Variants in ABCC1 observed in about 807,000 individuals in gnomAD.
ABCC1 encodes the protein multidrug resistance-associated protein 1.
In ABCC1, 83 loss-of-function variants were observed where a neutral mutation model predicts 172.9. The ratio of observed to expected loss-of-function variants is 0.48; its 90% CI spans 0.40 to 0.58. The LOEUF (loss-of-function observed/expected upper bound fraction) is 0.58. Ranked by LOEUF, ABCC1 falls within the 20% of genes least tolerant of loss-of-function variation. ABCC1 has a pLI of 0.00. For synonymous variants in ABCC1, 937 were observed against 825.2 expected, an observed-to-expected ratio of 1.14 and a Z score of -2.32; for missense variants, 1,817 against 2,002.7, an observed-to-expected ratio of 0.91 and a Z score of 1.77.
At chr16:16,011,374 G>T (rs549474403) in intron 3 of ABCC1, among the ~76,000 whole-genome samples, 10 of 152,274 alleles carry the variant, frequency 6.6e-5, no homozygotes, top group African/African-American at 2.4e-4. Flanking sequence ...GAAGGAACAC[G>T]GTGTGAAGGT....
rs1173456197 is a variant in ABCC1 at position 16,045,819 on chromosome 16, T to C, written c.1041-17T>C. ...GTGTCACAAGTCATTCCAGGCCCTC[T>C]CTTTGCTCCTTTGCAGGTTGCTCAT... is the stretch of plus-strand genomic sequence containing the variant. On this transcript the variant is annotated splice_polypyrimidine_tract_variant and intron_variant, in intron 8 of 30. Transcript: ENST00000399410. The C allele has an allele frequency of 6.2e-7, 1 of 1,613,130 alleles. No homozygotes were observed. Among genetic ancestry groups the C allele is most frequent in the Admixed American group, 1.7e-5 (1 of 59,974 alleles).
intron 21 of ABCC1, among the ~76,000 whole-genome samples, chr16:16,107,976 G>A (rs761751137): frequency 3.3e-5 from 5 of 151,714 alleles, no homozygotes; most frequent in East Asian, 1.9e-4. Flanking sequence ...CAGAGCTTCC[G>A]AGGACTGTCT....
Position 16,086,980 on chromosome 16 carries a change from C to T in ABCC1, c.2449C>T (p.Leu817=). ...AAATGTGATTGGCCCCAAGGGGATGCTGAAGAACAAGGTGCCTGCTGGCGG... is the reference window on the plus strand; with the variant it reads ...AAATGTGATTGGCCCCAAGGGGATGTTGAAGAACAAGGTGCCTGCTGGCGG... ...FENVIGPKGM[L]KNKTRILVTH... The change falls in exon 18 of 31, where the codon CTG becomes TTG. Residue 817 remains leucine, a synonymous_variant. Coordinates refer to ENST00000399410, the MANE Select transcript of ABCC1 (RefSeq NM_004996.4). 6.2e-7 allele frequency: 1 copy of T among 1,614,186 alleles called. No homozygotes were observed. Among genetic ancestry groups the T allele is most frequent in the Middle Eastern group, 1.7e-4 (1 of 6,052 alleles).
chr16:16,094,120 A>G, intron 19 of ABCC1: 1 of 176,504 alleles, frequency 5.7e-6, no homozygotes, highest in Non-Finnish European at 1.2e-5. Flanking sequence ...GTTTAGGAAC[A>G]GTTTGTTCCC....
At chr16:16,067,943 C>T (rs1006279303) in intron 12 of ABCC1, among the ~76,000 whole-genome samples, 1 of 152,162 alleles carries the variant, frequency 6.6e-6, no homozygotes, top group African/African-American at 2.4e-5. Context: ...CTTTGGGCTC[C>T]CGGTCGTTGA....
At chr16:16,013,270 G>GTTTTTTTTTTTTTT (rs35420214) in intron 3 of ABCC1, among the ~76,000 whole-genome samples, 2 of 145,798 alleles carry the variant, frequency 1.4e-5, no homozygotes, top group Non-Finnish European at 1.5e-5. Context: ...GCCAGCACAT[G>GTTTTTTTTTTTTTT]TTTTTTTTTT....
intron 1 of ABCC1, among the ~76,000 whole-genome samples, chr16:15,990,150 G>C (rs1384725434): frequency 1.3e-5 from 2 of 152,118 alleles, no homozygotes; most frequent in African/African-American, 4.8e-5. Context: ...TGTCTTTCAG[G>C]TTCAAGTGAT....
At chr16:16,053,857 C>A (rs1422449247) in intron 11 of ABCC1, among the ~76,000 whole-genome samples, 3 of 150,198 alleles carry the variant, frequency 2.0e-5, no homozygotes, top group African/African-American at 7.3e-5. Context: ...GGGGATACCC[C>A]CTTCCCTACT....
chr16:15,999,101 T>C lies in ABCC1; in HGVS notation c.49-8715T>C, dbSNP rs572230295. Among the ~76,000 whole-genome samples the C allele has an allele frequency of 1.7e-3, 256 of 152,186 alleles. 2 individuals carry two copies. Among genetic ancestry groups the C allele is most frequent in the Non-Finnish European group, 3.1e-3 (213 of 67,990 alleles). On this transcript the variant is annotated intron_variant, in intron 1 of 30. Transcript: ENST00000399410. ...CTGCAAGCTCTGCCTTCTGGGTTCA[T>C]GCCATTCTCCTGCCTCAACCTCCTG...
intron 9 of ABCC1, 63 bp from the exon 10 acceptor site, chr16:16,048,079 G>A: frequency 6.3e-7 from 1 of 1,578,706 alleles, no homozygotes; most frequent in Non-Finnish European, 8.7e-7. Flanking sequence ...CGTGGGTCTG[G>A]AGGGAGAGTC....
At chr16:15,955,055 G>A (rs936666870) in intron 1 of ABCC1, among the ~76,000 whole-genome samples, 10 of 152,138 alleles carry the variant, frequency 6.6e-5, no homozygotes, top group Non-Finnish European at 1.3e-4. Context: ...CCAGTTTCTG[G>A]ATTTGAACAG....
At chr16:16,019,805 C>T (rs2048132979) in intron 5 of ABCC1, among the ~76,000 whole-genome samples, 1 of 152,124 alleles carries the variant, frequency 6.6e-6, no homozygotes. Flanking sequence ...GGCTAAAAGG[C>T]TACACTGTTG....
intron 16 of ABCC1, among the ~76,000 whole-genome samples, chr16:16,082,229 A>G (rs2050832637): frequency 6.6e-6 from 1 of 152,090 alleles, no homozygotes; most frequent in Non-Finnish European, 1.5e-5. Flanking sequence ...TCGGACTTGA[A>G]TGCTCTTCCC....
intron 19 of ABCC1, among the ~76,000 whole-genome samples, chr16:16,097,463 C>G (rs1303359061): frequency 6.6e-6 from 1 of 152,166 alleles, no homozygotes; most frequent in Non-Finnish European, 1.5e-5. Context: ...AAGAAAAGAG[C>G]CTGACACATA....
At chr16:16,137,950 A>C (rs1044881518) in intron 29 of ABCC1, among the ~76,000 whole-genome samples, 1 of 151,502 alleles carries the variant, frequency 6.6e-6, no homozygotes, top group Non-Finnish European at 1.5e-5. Flanking sequence ...TAACTCCTGG[A>C]CTCAAGCAAT....
Position 16,131,926 on chromosome 16 carries a change from G to A in ABCC1, c.3957G>A (p.Gly1319=). Residue 1319 remains glycine, a synonymous_variant, in exon 27 of 31, where the codon GGG becomes GGA. Coordinates refer to ENST00000399410, the MANE Select transcript of ABCC1 (RefSeq NM_004996.4). Reference sequence around the variant, plus strand: ...GGCACATCAATGTCACGATCAATGGGGGAGAAAAGGTGGGTACACATCGCC... The same window carrying A: ...GGCACATCAATGTCACGATCAATGGAGGAGAAAAGGTGGGTACACATCGCC... ...VLRHINVTIN[G]GEKVGIVGRT... is the part of the protein sequence containing the mutation. 1 of 1,613,890 alleles carries A rather than the reference G, an allele frequency of 6.2e-7. No individual in the cohort carries two copies. The highest frequency in any genetic ancestry group is 8.5e-7 in the Non-Finnish European group (1 of 1,179,906).
rs1193601449 is a variant in ABCC1, at chr16:16,016,533, A to G, written c.527A>G (p.Tyr176Cys). Reference protein sequence around the residue: ...QVDLFRDITFYVYFSLLLIQL... With the variant: ...QVDLFRDITFCVYFSLLLIQL... ...GACCTGTTTCGTGACATCACTTTCTACGTCTACTTTTCCCTCTTACTCATT... is the reference window on the plus strand; with the variant it reads ...GACCTGTTTCGTGACATCACTTTCTGCGTCTACTTTTCCCTCTTACTCATT... Residue 176 changes from tyrosine (Y) to cysteine (C), a missense_variant, in exon 5 of 31, where the codon TAC becomes TGC. Physicochemically the swap from Tyr to Cys is radical, Grantham distance 194. Around this residue, in one of 3 missense-constraint regions of ABCC1, gnomAD observed 398 missense variants for 384.2 expected, o/e 1.04. Transcript: ENST00000399410. 6.2e-7 allele frequency: 1 copy of G among 1,614,064 alleles called. No individual in the cohort carries two copies. Among genetic ancestry groups the G allele is most frequent in the Non-Finnish European group, 8.5e-7 (1 of 1,179,994 alleles).
intron 5 of ABCC1, 147 bp from the exon 6 acceptor site, chr16:16,032,962 C>G (rs550994024): frequency 2.9e-6 from 2 of 697,254 alleles, no homozygotes; most frequent in South Asian, 1.8e-5. Flanking sequence ...GGAGAGGGTC[C>G]TTTTGGGGTG....
chr16:16,007,243 T>TGTGTGTGTGTGTGTGA (rs1305978468), intron 1 of ABCC1, among the ~76,000 whole-genome samples: 6 of 151,312 alleles, frequency 4.0e-5, no homozygotes, highest in African/African-American at 1.5e-4. Context: ...TGTGTGTGTG[T>TGTGTGTGTGTGTGTGA]GAGAGACAGG....
Sources: gnomAD v4.1 joint callset for allele counts (sites outside exome capture counted in the v4.1 genomes callset) on GRCh38, gnomAD v4.1.1 for gene constraint, gnomAD v4.1.1 regional missense constraint, MANE v1.5 for transcripts, NCBI Gene and HGNC (gene_info 2026-07-23, HGNC 2026-07-21) for gene names.